Variants in GRAMD1B observed in about 807,000 individuals in gnomAD.
GRAMD1B encodes protein Aster-B.
Under a neutral mutation model 99.7 loss-of-function variants are expected in GRAMD1B, and 37 were observed. The ratio of observed to expected loss-of-function variants is 0.37; its 90% CI spans 0.29 to 0.49. GRAMD1B has a LOEUF of 0.49. GRAMD1B is among the 20% of genes least tolerant of loss of function. The probability of loss-of-function intolerance (pLI) is 0.98; values close to 1 mark genes in which losing one functional copy is unlikely to be tolerated. For missense variants in GRAMD1B, 888 were observed against 1,009.2 expected, an observed-to-expected ratio of 0.88 and a Z score of 1.63; for synonymous variants, 427 against 387.6, an observed-to-expected ratio of 1.10 and a Z score of -1.19.
At chr11:123,559,629 A>G in intron 2 of GRAMD1B, 5 of 982,792 alleles carry the variant, frequency 5.1e-6, no homozygotes, top group Non-Finnish European at 6.0e-6. Flanking sequence ...GAGAAAAAAA[A>G]AACACTTCTA....
intron 2 of GRAMD1B, among the ~76,000 whole-genome samples, chr11:123,514,184 C>T (rs1941446612): frequency 2.0e-5 from 3 of 152,034 alleles, no homozygotes; most frequent in East Asian, 1.9e-4. Flanking sequence ...AAATCAGGGA[C>T]GCAAGAAGAA....
At chr11:123,448,466 C>T (rs930540049) in intron 1 of GRAMD1B, among the ~76,000 whole-genome samples, 11 of 152,070 alleles carry the variant, frequency 7.2e-5, no homozygotes, top group African/African-American at 9.7e-5. Context: ...GCAATTCGCC[C>T]GCCTTGGCCT....
At chr11:123,498,739 C>T (rs1180403813) in intron 2 of GRAMD1B, among the ~76,000 whole-genome samples, 4 of 152,074 alleles carry the variant, frequency 2.6e-5, no homozygotes, top group Admixed American at 6.5e-5. Context: ...AGCCTTTTAA[C>T]GTGGTTCAGA....
intron 17 of GRAMD1B, among the ~76,000 whole-genome samples, chr11:123,616,002 C>T (rs902663361): frequency 5.3e-5 from 8 of 152,086 alleles, no homozygotes; most frequent in Admixed American, 3.9e-4. Context: ...GCATAAGAAA[C>T]GAAGATATTT....
At chr11:123,520,845 G>A (rs549649108) in intron 2 of GRAMD1B, among the ~76,000 whole-genome samples, 2 of 151,218 alleles carry the variant, frequency 1.3e-5, no homozygotes, top group South Asian at 2.1e-4. Flanking sequence ...ATAAAAATAT[G>A]TGTAAAGTAT....
chr11:123,591,193 C>T lies in GRAMD1B; in HGVS notation c.685-2889C>T. 1 of 380,584 alleles carries T rather than the reference C, an allele frequency of 2.6e-6. No individual in the cohort carries two copies. The highest frequency in any genetic ancestry group is 4.7e-6 in the Non-Finnish European group (1 of 214,962). The allele number at this position is 380,584 out of a possible 1,614,324, so 23.6% of individuals were successfully genotyped here. On this transcript the variant is annotated intron_variant, in intron 4 of 19. Transcript: ENST00000635736. This position sits in a 1 kb window ranked among gnomAD's most constrained non-coding sequence, Gnocchi z 4.7. Reference sequence around the variant, plus strand: ...GAACCACGCTGACCACCTCGGCTCACTTGTGAAGCTTCATGCTGGGCATGC... The same window carrying T: ...GAACCACGCTGACCACCTCGGCTCATTTGTGAAGCTTCATGCTGGGCATGC...
chr11:123,511,246 C>G (rs901313000), intron 2 of GRAMD1B, among the ~76,000 whole-genome samples: 3 of 152,166 alleles, frequency 2.0e-5, no homozygotes, highest in Non-Finnish European at 4.4e-5. Flanking sequence ...CAGAGACTGC[C>G]TCTCATCCTG....
At chr11:123,527,879 T>C (rs757326283) in intron 2 of GRAMD1B, among the ~76,000 whole-genome samples, 4 of 152,222 alleles carry the variant, frequency 2.6e-5, no homozygotes, top group Non-Finnish European at 5.9e-5. Context: ...CTCAGGGATG[T>C]GCAGAGATGT....
chr11:123,516,770 ATATTT>A (rs1433611668), intron 2 of GRAMD1B, among the ~76,000 whole-genome samples: 3 of 152,218 alleles, frequency 2.0e-5, no homozygotes, highest in African/African-American at 7.2e-5. Flanking sequence ...TTGTTGCCTT[ATATTT>A]TAAGTTAGTG....
chr11:123,555,095 C>G (rs551522609), intron 2 of GRAMD1B, among the ~76,000 whole-genome samples: 1 of 152,288 alleles, frequency 6.6e-6, no homozygotes, highest in South Asian at 2.1e-4. Flanking sequence ...GCGCCCTCTA[C>G]TGACAAGATA....
At chr11:123,392,631 T>C (rs1164576882) in intron 1 of GRAMD1B, among the ~76,000 whole-genome samples, 1 of 152,114 alleles carries the variant, frequency 6.6e-6, no homozygotes, top group Non-Finnish European at 1.5e-5. Context: ...GTTTTATCAT[T>C]CTATAAAGTC....
rs570202035 is a variant in GRAMD1B at position 123,393,727 on chromosome 11, G to A, written c.-176+34928G>A. 6.6e-5 allele frequency among the ~76,000 whole-genome samples: 10 copies of A among 152,290 alleles called. No homozygotes were observed. The East Asian group carries it at 1.9e-3, about 29-fold the overall frequency. Reference sequence around the variant, plus strand: ...AAGCTCCCCACAGAAGTCACATCCTGTTGTCTTTGTAATCCCCTGTTGGTT... The same window carrying A: ...AAGCTCCCCACAGAAGTCACATCCTATTGTCTTTGTAATCCCCTGTTGGTT... On this transcript the variant is annotated intron_variant, in intron 1 of 20. Coordinates refer to the GRAMD1B transcript ENST00000638157.
At position 123,622,669 on chromosome 11, in the gene GRAMD1B, AAT is replaced by A. The variant is rs758360520; in HGVS notation, c.*86_*87del. On this transcript the variant is annotated 3_prime_UTR_variant, in exon 20 of 20. Transcript: ENST00000635736. ...TAGACCATATAAATATATATATATAAATATATATATATACAGAATATAAATAT... is the reference window on the plus strand; with the variant it reads ...TAGACCATATAAATATATATATATAAATATATATATACAGAATATAAATAT... 6.7e-4 allele frequency: 224 copies of A among 334,130 alleles called. No homozygotes were observed. Among genetic ancestry groups the A allele is most frequent in the East Asian group, 1.3e-3 (22 of 16,504 alleles). The allele number at this position is 334,130 out of a possible 1,614,324, so 20.7% of individuals were successfully genotyped here.
intron 1 of GRAMD1B, chr11:123,458,547 G>C (rs1950262270): frequency 6.6e-6 from 1 of 152,096 alleles, no homozygotes. Context: ...CAGTCAAACT[G>C]ACACCTAAAA....
chr11:123,430,769 G>T lies in GRAMD1B; in HGVS notation c.-24G>T. 1.5e-6 allele frequency: 1 copy of T among 654,380 alleles called. No individual in the cohort carries two copies. The highest frequency in any genetic ancestry group is 2.7e-6 in the Non-Finnish European group (1 of 364,170). The allele number at this position is 654,380 out of a possible 1,614,324, so 40.5% of individuals were successfully genotyped here. On this transcript the variant is annotated 5_prime_UTR_variant, in exon 1 of 20. Coordinates refer to ENST00000635736, the MANE Select transcript of GRAMD1B (RefSeq NM_001387025.1). ...CCAGGCCGCTGGCGGAGGGCTCAGG[G>T]GGAGCGCAGAGGCGACGGCCCCCAT...
At chr11:123,390,381 G>A (rs771546942) in intron 1 of GRAMD1B, among the ~76,000 whole-genome samples, 15 of 152,156 alleles carry the variant, frequency 9.9e-5, no homozygotes, top group Admixed American at 1.3e-4. Context: ...GCTGAGCAAC[G>A]TCTGGCACTC....
intron 2 of GRAMD1B, among the ~76,000 whole-genome samples, chr11:123,547,274 G>C (rs770725755): frequency 6.6e-6 from 1 of 152,314 alleles, no homozygotes; most frequent in Non-Finnish European, 1.5e-5. Flanking sequence ...TAAAATAGAA[G>C]CAGATGGATG....
intron 1 of GRAMD1B, among the ~76,000 whole-genome samples, chr11:123,367,142 G>A (rs533343963): frequency 2.8e-4 from 43 of 152,308 alleles, no homozygotes; most frequent in Non-Finnish European, 5.6e-4. Context: ...GTTTGAGGTT[G>A]CAGTGACCCA....
intron 1 of GRAMD1B, among the ~76,000 whole-genome samples, chr11:123,365,025 C>T (rs930771139): frequency 6.6e-6 from 1 of 152,106 alleles, no homozygotes; most frequent in African/African-American, 2.4e-5. Flanking sequence ...TCATTTGTAT[C>T]ATGACTTATT....
Sources: gnomAD v4.1 joint callset for allele counts (sites outside exome capture counted in the v4.1 genomes callset) on GRCh38, gnomAD v4.1.1 for gene constraint, Gnocchi (gnomAD v3.1) non-coding constraint, MANE v1.5 for transcripts, NCBI Gene and HGNC (gene_info 2026-07-23, HGNC 2026-07-21) for gene names.